The following CDH23 variants were observed in gnomAD, a reference collection of about 807,000 sequenced individuals.
CDH23 encodes cadherin related 23, also known as cadherin-23.
In CDH23, 189 loss-of-function variants were observed where a neutral mutation model predicts 317.1. That is an observed-to-expected ratio of 0.60 (90% CI 0.53 to 0.67). CDH23 has a LOEUF of 0.67. CDH23 is among the 30% of genes least tolerant of loss of function. The pLI, the probability that CDH23 is intolerant of heterozygous loss-of-function variation, is 0.00. For synonymous variants in CDH23, 1,839 were observed against 1,876.8 expected (o/e 0.98, Z 0.52); for missense variants, 4,401 against 4,592.4 (o/e 0.96, Z 1.20).
intron 27 of CDH23, among the ~76,000 whole-genome samples, chr10:71,711,150 C>A (rs1265154541): frequency 1.3e-5 from 2 of 152,272 alleles, no homozygotes; most frequent in East Asian, 3.9e-4. Context: ...TGCCCACCCT[C>A]TGGAGACTTG....
At chr10:71,750,874 G>T in intron 38 of CDH23, 1 of 187,376 alleles carries the variant, frequency 5.3e-6, no homozygotes, top group South Asian at 1.5e-4. Flanking sequence ...CTGGGAGGGT[G>T]GCCCAGTGTC....
chr10:71,652,822 C>A (rs1480663036), intron 14 of CDH23, among the ~76,000 whole-genome samples: 1 of 152,196 alleles, frequency 6.6e-6, no homozygotes, highest in Non-Finnish European at 1.5e-5. Flanking sequence ...AGCCATGTGA[C>A]CTTGGCCAGT....
intron 6 of CDH23, among the ~76,000 whole-genome samples, chr10:71,554,104 G>A (rs1856749218): frequency 6.6e-6 from 1 of 152,236 alleles, no homozygotes; most frequent in Non-Finnish European, 1.5e-5. Flanking sequence ...GATTTACTGA[G>A]CACCTATTAT....
At chr10:71,675,631 G>A (rs1864328934) in intron 15 of CDH23, among the ~76,000 whole-genome samples, 1 of 152,222 alleles carries the variant, frequency 6.6e-6, no homozygotes, top group Non-Finnish European at 1.5e-5. Context: ...GATGAGGAAA[G>A]TGCAACTCTG....
chr10:71,686,623 C>T (rs1487768511), intron 18 of CDH23, among the ~76,000 whole-genome samples: 1 of 152,106 alleles, frequency 6.6e-6, no homozygotes, highest in East Asian at 1.9e-4. Flanking sequence ...CCATGAGAAG[C>T]CAGGCCTTCT....
chr10:71,548,626 C>T (rs915084335), intron 6 of CDH23, among the ~76,000 whole-genome samples: 1 of 152,186 alleles, frequency 6.6e-6, no homozygotes, highest in Non-Finnish European at 1.5e-5. Flanking sequence ...CCAAGGGGGG[C>T]ACTGTGTACA....
chr10:71,576,903 A>C (rs10999891), intron 8 of CDH23, among the ~76,000 whole-genome samples: 6,475 of 152,216 alleles, frequency 0.043, 480 homozygotes, highest in African/African-American at 0.15. Context: ...TGATATTCGA[A>C]TGTGCCAGTT....
intron 19 of CDH23, among the ~76,000 whole-genome samples, chr10:71,689,032 T>C (rs376856918): frequency 0.097 from 1,082 of 11,160 alleles, 6 homozygotes; most frequent in Middle Eastern, 0.19. Context: ...GGTGGTGGAG[T>C]CAGGGGTGGT....
chr10:71,474,429 G>C (rs904092308), intron 3 of CDH23, among the ~76,000 whole-genome samples: 1 of 152,206 alleles, frequency 6.6e-6, no homozygotes, highest in Non-Finnish European at 1.5e-5. Context: ...AGCCCACAGA[G>C]ACCTTTCCCC....
chr10:71,538,237 C>G (rs75015481), intron 6 of CDH23, among the ~76,000 whole-genome samples: 6,299 of 152,264 alleles, frequency 0.041, 231 homozygotes, highest in South Asian at 0.15. Flanking sequence ...TTGACGAAAG[C>G]TGAGAACTTC....
intron 11 of CDH23, among the ~76,000 whole-genome samples, chr10:71,633,302 AT>A (rs939525437): frequency 2.0e-5 from 3 of 151,776 alleles, no homozygotes; most frequent in Admixed American, 6.6e-5. Flanking sequence ...CTATCTTCTG[AT>A]TTTTTTTCTC....
chr10:71,743,010 C>G (rs776155064), intron 38 of CDH23, among the ~76,000 whole-genome samples: 2 of 152,106 alleles, frequency 1.3e-5, no homozygotes, highest in Admixed American at 1.3e-4. Context: ...AAGGCTAGCC[C>G]GTGCCTGTTC....
chr10:71,776,266 G>A (rs1398043542), intron 38 of CDH23, among the ~76,000 whole-genome samples: 3 of 152,102 alleles, frequency 2.0e-5, no homozygotes, highest in Admixed American at 6.6e-5. Context: ...CTCCTCAGGG[G>A]CAGTGACAGC....
intron 19 of CDH23, 86 bp downstream of exon 19, chr10:71,687,805 G>A: frequency 3.2e-6 from 4 of 1,249,400 alleles, no homozygotes; most frequent in Non-Finnish European, 4.6e-6. Context: ...CCCCGGCTCT[G>A]CACACAAATT....
At chr10:71,750,906 C>T in intron 38 of CDH23, 1 of 231,080 alleles carries the variant, frequency 4.3e-6, no homozygotes, top group Non-Finnish European at 8.4e-6. Context: ...ACTGATGCTG[C>T]CACATCCCAA....
At chr10:71,658,717 G>C (rs1487427347) in intron 14 of CDH23, among the ~76,000 whole-genome samples, 1 of 152,130 alleles carries the variant, frequency 6.6e-6, no homozygotes, top group Admixed American at 6.5e-5. Context: ...GAGGTGAGCG[G>C]CGTGTCCCAG....
intron 1 of CDH23, among the ~76,000 whole-genome samples, chr10:71,439,461 C>T (rs542732527): frequency 2.0e-5 from 3 of 152,196 alleles, no homozygotes; most frequent in African/African-American, 7.2e-5. Context: ...GGGATGTGGT[C>T]CTGGAGGCTG....
In CDH23 at chr10:71,678,353, G is replaced by A. The variant is rs571582912; in HGVS notation, c.1752+660G>A. On this transcript the variant is annotated intron_variant, in intron 16 of 69. Transcript: ENST00000224721. Reference sequence around the variant, plus strand: ...GAGGCTTGCCCACGAAGACATAGTCGGGTAGCAGAGCCAGGTCTAGTCCCG... The same window carrying A: ...GAGGCTTGCCCACGAAGACATAGTCAGGTAGCAGAGCCAGGTCTAGTCCCG... Among the ~76,000 whole-genome samples the A allele has an allele frequency of 7.2e-4, 109 of 152,230 alleles. 1 individual carries two copies. The highest frequency in any genetic ancestry group is 6.6e-3 in the South Asian group (32 of 4,818).
Position 71,725,387 on chromosome 10 carries a change from A to G in CDH23, c.3446A>G (p.Asn1149Ser). The change falls in exon 30 of 70, where the codon AAC (asparagine) becomes AGC (serine). Residue 1149 changes from asparagine (N) to serine (S), a missense_variant. Transcript: ENST00000224721. Reference sequence around the variant, plus strand: ...CTCCACACAGGTAACCATGGCAACAACTTCCGGATCCATGTCAGCAATGGG... The same window carrying G: ...CTCCACACAGGTAACCATGGCAACAGCTTCCGGATCCATGTCAGCAATGGG... Reference protein sequence around the residue: ...YRILHGNHGNNFRIHVSNGLL... With the variant: ...YRILHGNHGNSFRIHVSNGLL... 1 of 1,613,948 alleles carries G rather than the reference A, an allele frequency of 6.2e-7. No individual in the cohort carries two copies. The highest frequency in any genetic ancestry group is 8.5e-7 in the Non-Finnish European group (1 of 1,179,866).
Sources: gnomAD v4.1 joint callset for allele counts (sites outside exome capture counted in the v4.1 genomes callset) on GRCh38, gnomAD v4.1.1 for gene constraint, MANE v1.5 for transcripts, NCBI Gene and HGNC (gene_info 2026-07-23, HGNC 2026-07-21) for gene names.